The following MBTPS1 variants were observed in gnomAD, a reference collection of about 807,000 sequenced individuals.
MBTPS1 encodes the protein membrane bound transcription factor peptidase, site 1.
Under a neutral mutation model 127.8 loss-of-function variants are expected in MBTPS1, and 94 were observed. The observed-to-expected ratio is 0.74, with a 90% confidence interval of 0.62 to 0.87. MBTPS1 has a LOEUF of 0.87. Ranked by LOEUF, MBTPS1 falls within the 40% of genes least tolerant of loss-of-function variation. The pLI, the probability that MBTPS1 is intolerant of heterozygous loss-of-function variation, is 0.00. For missense variants in MBTPS1, 1,636 were observed against 1,353.2 expected (o/e 1.21, Z -3.28); for synonymous variants, 632 against 509.4 (o/e 1.24, Z -3.24).
At chr16:84,062,120 T>A (rs1317373141) in intron 19 of MBTPS1, among the ~76,000 whole-genome samples, 3 of 152,176 alleles carry the variant, frequency 2.0e-5, no homozygotes, top group South Asian at 2.1e-4. Context: ...ATTTTAATTT[T>A]ATTTTATTAT....
intron 9 of MBTPS1, 29 bp downstream of exon 9, chr16:84,087,329 A>C: frequency 6.4e-7 from 1 of 1,560,424 alleles, no homozygotes; most frequent in East Asian, 2.2e-5. Context: ...GTCCAGCTAA[A>C]TACAATTATT....
At position 84,101,961 on chromosome 16, in the gene MBTPS1, G is replaced by C; in HGVS notation, c.-178C>G. On this transcript the variant is annotated 5_prime_UTR_variant, in exon 2 of 23. Transcript: ENST00000343411. ...ATGGCCTTTTGTGGTTCAGCCTGAA[G>C]AGAGGCTTTCATTTCTTTCTCCGCT... 1.7e-6 allele frequency: 1 copy of C among 582,746 alleles called. No individual in the cohort carries two copies. The highest frequency in any genetic ancestry group is 3.0e-6 in the Non-Finnish European group (1 of 329,272). The allele number at this position is 582,746 out of a possible 1,614,324, so 36.1% of individuals were successfully genotyped here. A position where few individuals can be genotyped will look rare whatever the true frequency, so the allele number is the denominator to read the frequency against.
At chr16:84,067,020 G>C (rs926731128) in intron 16 of MBTPS1, among the ~76,000 whole-genome samples, 1 of 152,040 alleles carries the variant, frequency 6.6e-6, no homozygotes, top group African/African-American at 2.4e-5. Context: ...TCCCAATAAA[G>C]GGAAGGACAT....
chr16:84,104,335 T>C (rs1458257959), intron 1 of MBTPS1, among the ~76,000 whole-genome samples: 4 of 151,842 alleles, frequency 2.6e-5, no homozygotes, highest in African/African-American at 9.7e-5. Context: ...ACATTAAAAA[T>C]TAGCTAGGCA....
In MBTPS1 at chr16:84,060,031, G is replaced by A. The variant is rs144227366; in HGVS notation, c.2705-603C>T. On this transcript the variant is annotated intron_variant, in intron 20 of 22. Coordinates refer to ENST00000343411, the MANE Select transcript of MBTPS1 (RefSeq NM_003791.4). ...TGGAAAATTTTAAATGATGCCTGTG[G>A]TTCCCATGAGCCTTCTACGGGCAGC... 3.9e-3 allele frequency: 599 copies of A among 152,602 alleles called. 3 individuals are homozygous for A. The highest frequency in any genetic ancestry group is 0.013 in the African/African-American group (524 of 41,506). 9.5% of individuals were successfully genotyped at this position (152,602 alleles called of 1,614,324 possible).
rs1339981629 is a variant in MBTPS1, at chr16:84,054,477, A to G, written c.3131T>C (p.Val1044Ala). The G allele has an allele frequency of 3.1e-6, 5 of 1,610,164 alleles. No individual in the cohort carries two copies. Among genetic ancestry groups the G allele is most frequent in the Non-Finnish European group, 4.2e-6 (5 of 1,177,908 alleles). Residue 1044 changes from valine to alanine, a missense_variant, in exon 23 of 23, where the codon GTT (valine) becomes GCT (alanine). Val to Ala is a moderately conservative substitution (Grantham distance 64, BLOSUM62 0). Transcript: ENST00000343411. Reference sequence around the variant, plus strand: ...CACCGAAGGGGTCTTTGGCGGGTGAACCTGCTGCATGAGCTGCGGGCGCTT... The same window carrying G: ...CACCGAAGGGGTCTTTGGCGGGTGAGCCTGCTGCATGAGCTGCGGGCGCTT... Reference protein sequence around the residue: ...RVKRPQLMQQVHPPKTPSV With the variant: ...RVKRPQLMQQAHPPKTPSV
intron 11 of MBTPS1, 99 bp downstream of exon 11, chr16:84,081,648 A>C (rs942620991): frequency 5.1e-6 from 5 of 979,598 alleles, no homozygotes; most frequent in African/African-American, 3.3e-5. Flanking sequence ...GTGCTTAGTC[A>C]TCATTTTCTG....
rs1383236679 is a variant in MBTPS1, at chr16:84,089,636, T to G, written c.1031+1239A>C. Among the ~76,000 whole-genome samples, 3 of 152,342 alleles carry G rather than the reference T, an allele frequency of 2.0e-5. No individual in the cohort carries two copies. The East Asian group carries it at 5.8e-4, about 29-fold the overall frequency. ...GTCTCATAGGTACTCTGCAGGCTGC[T>G]CTCTACTCCCATCACAGGTGAGGGA... On this transcript the variant is annotated intron_variant, in intron 8 of 22. Transcript: ENST00000343411.
chr16:84,089,781 A>G (rs1221131297), intron 8 of MBTPS1, among the ~76,000 whole-genome samples: 3 of 152,166 alleles, frequency 2.0e-5, no homozygotes, highest in Non-Finnish European at 4.4e-5. Context: ...AAGACTCAAG[A>G]TTGGAAAACA....
chr16:84,105,483 G>A (rs2086310505), intron 1 of MBTPS1, among the ~76,000 whole-genome samples: 1 of 152,140 alleles, frequency 6.6e-6, no homozygotes, highest in African/African-American at 2.4e-5. Flanking sequence ...TGCTGGGGAG[G>A]GGGCACTGCA....
rs762605849 is a variant in MBTPS1, at chr16:84,101,789, C to T, written c.-6G>A. On this transcript the variant is annotated 5_prime_UTR_variant, in exon 2 of 23. In the 5' UTR this introduces an upstream ATG that the reference lacks. Transcript: ENST00000343411. ...CAGATGTTGACAAGCTTCATGGTCA[C>T]AAGCGAATATGATCATAAAATTGCA... 3.1e-6 allele frequency: 5 copies of T among 1,606,762 alleles called. No individual in the cohort carries two copies. Among genetic ancestry groups the T allele is most frequent in the Non-Finnish European group, 4.3e-6 (5 of 1,176,088 alleles).
At position 84,069,925 on chromosome 16, in the gene MBTPS1, G is replaced by T; in HGVS notation, c.1896C>A (p.Arg632=). The T allele has an allele frequency of 1.2e-6, 2 of 1,613,968 alleles. No individual in the cohort carries two copies. The highest frequency in any genetic ancestry group is 2.2e-5 in the South Asian group (2 of 91,052). The part of the protein sequence containing the change: ...RVLWDQYHNL[R]YPPGYFPRDN... ...CCCTGGGGAAATAGCCAGGTGGATA[G>T]CGGAGGTTGTGGTACTGATCCCAGA... Residue 632 remains arginine, a synonymous_variant, in exon 14 of 23, where the codon CGC becomes CGA. Transcript: ENST00000343411.
chr16:84,077,234 G>GAAAAAAAA (rs1191331764), intron 11 of MBTPS1, among the ~76,000 whole-genome samples: 19 of 100,220 alleles, frequency 1.9e-4, no homozygotes, highest in Non-Finnish European at 3.2e-4. Flanking sequence ...CATTAAAAAA[G>GAAAAAAAA]AAAAAAAAAA....
At chr16:84,076,346 G>T (rs1415902492) in intron 11 of MBTPS1, among the ~76,000 whole-genome samples, 1 of 152,000 alleles carries the variant, frequency 6.6e-6, no homozygotes, top group East Asian at 1.9e-4. Flanking sequence ...TTACTTAACG[G>T]AGAAATACAA....
chr16:84,065,208 C>G (rs988916861), intron 18 of MBTPS1, among the ~76,000 whole-genome samples: 1 of 151,438 alleles, frequency 6.6e-6, no homozygotes, highest in African/African-American at 2.4e-5. Context: ...ACCTCTGCCT[C>G]CCAGGTTCAA....
chr16:84,077,235 A>C (rs956737353), intron 11 of MBTPS1, among the ~76,000 whole-genome samples: 2 of 89,204 alleles, frequency 2.2e-5, no homozygotes, highest in African/African-American at 8.9e-5. Context: ...ATTAAAAAAG[A>C]AAAAAAAAAA....
Position 84,056,415 on chromosome 16 carries a change from G to C in MBTPS1, c.2832-280C>G. 1.0e-5 allele frequency: 3 copies of C among 297,394 alleles called. No homozygotes were observed. The South Asian group carries it at 1.3e-4, about 13-fold the overall frequency. The allele number at this position is 297,394 out of a possible 1,614,324, so 18.4% of individuals were successfully genotyped here. On this transcript the variant is annotated intron_variant, in intron 21 of 22. Transcript: ENST00000343411. ...CCTGTTTTTGCATAAAGCTAAACATGACCAAGCGCCTCGGGAGGACACTCC... is the reference window on the plus strand; with the variant it reads ...CCTGTTTTTGCATAAAGCTAAACATCACCAAGCGCCTCGGGAGGACACTCC...
At chr16:84,088,490 A>G (rs2086060671) in intron 8 of MBTPS1, among the ~76,000 whole-genome samples, 2 of 152,234 alleles carry the variant, frequency 1.3e-5, no homozygotes, top group Non-Finnish European at 1.5e-5. Flanking sequence ...AGTCACTGAC[A>G]GAAACTCCCA....
chr16:84,095,775 C>T lies in MBTPS1; in HGVS notation c.452G>A (p.Arg151Gln), dbSNP rs780423511. ...TGATGATTGCCACTTCTGGCTCCACCGGGTTTCATTGCAGGGTACTGTGGG... is the reference window on the plus strand; with the variant it reads ...TGATGATTGCCACTTCTGGCTCCACTGGGTTTCATTGCAGGGTACTGTGGG... ...SDPTVPCNET[R>Q]WSQKWQSSRP... Residue 151 changes from arginine (R) to glutamine (Q), a missense_variant, in exon 4 of 23, where the codon CGG becomes CAG. Arg to Gln is a conservative substitution (Grantham distance 43, BLOSUM62 1). Coordinates refer to ENST00000343411, the MANE Select transcript of MBTPS1 (RefSeq NM_003791.4). 2.7e-5 allele frequency: 44 copies of T among 1,613,908 alleles called. No homozygotes were observed. Among genetic ancestry groups the T allele is most frequent in the Admixed American group, 1.5e-4 (9 of 60,012 alleles).
Sources: gnomAD v4.1 joint callset for allele counts (sites outside exome capture counted in the v4.1 genomes callset) on GRCh38, gnomAD v4.1.1 for gene constraint, MANE v1.5 for transcripts, NCBI Gene and HGNC (gene_info 2026-07-23, HGNC 2026-07-21) for gene names.